The following STXBP6 variants were observed in gnomAD, a reference collection of about 807,000 sequenced individuals.
The protein encoded by STXBP6 is syntaxin-binding protein 6.
STXBP6 carries 21 observed loss-of-function variants against 26.9 expected under a neutral mutation model. The observed-to-expected ratio is 0.78, with a 90% CI of 0.55 to 1.12. STXBP6 has a LOEUF of 1.12. Ranked by LOEUF, STXBP6 falls within the 50% of genes most tolerant of loss-of-function variation. The probability of loss-of-function intolerance (pLI) is 0.00; values close to 1 mark genes in which losing one functional copy is unlikely to be tolerated. For missense variants in STXBP6, 232 were observed against 257.9 expected (o/e 0.90, Z 0.69); for synonymous variants, 97 against 92.6 (o/e 1.05, Z -0.27).
intron 4 of STXBP6, among the ~76,000 whole-genome samples, chr14:24,853,673 A>G (rs541210015): frequency 6.6e-6 from 1 of 152,252 alleles, no homozygotes; most frequent in Non-Finnish European, 1.5e-5. Flanking sequence ...CTACAGTTAC[A>G]CAGGGCAAAG....
In STXBP6 at chr14:24,860,884, T is replaced by G. The variant is rs565891735; in HGVS notation, c.155-3727A>C. Among the ~76,000 whole-genome samples, 6 of 146,672 alleles carry G rather than the reference T, an allele frequency of 4.1e-5. No individual in the cohort carries two copies. The South Asian group carries it at 1.3e-3, about 31-fold the overall frequency. ...AAATAAAATAAATATCCTTAAAATA[T>G]GATTTTAAAGGAAACAATCAGTATA... On this transcript the variant is annotated intron_variant, in intron 2 of 5. Transcript: ENST00000323944.
chr14:24,850,610 T>A (rs1035373300), intron 4 of STXBP6, among the ~76,000 whole-genome samples: 14 of 152,146 alleles, frequency 9.2e-5, no homozygotes, highest in Non-Finnish European at 4.4e-5. Flanking sequence ...CTGCTAACCA[T>A]CCTTTAACCT....
intron 2 of STXBP6, among the ~76,000 whole-genome samples, chr14:24,867,349 G>T (rs1287527739): frequency 6.6e-6 from 1 of 152,148 alleles, no homozygotes; most frequent in Non-Finnish European, 1.5e-5. Context: ...GAGAAAAAAA[G>T]TCGGTGGTTG....
At chr14:24,967,915 A>G (rs2073784214) in intron 2 of STXBP6, among the ~76,000 whole-genome samples, 1 of 152,034 alleles carries the variant, frequency 6.6e-6, no homozygotes, top group Admixed American at 6.6e-5. Context: ...GCAGTTGCAC[A>G]TGGCCATGGG....
At chr14:24,983,878 T>C (rs2074261395) in intron 1 of STXBP6, among the ~76,000 whole-genome samples, 1 of 152,190 alleles carries the variant, frequency 6.6e-6, no homozygotes, top group South Asian at 2.1e-4. Flanking sequence ...TATAAAAACC[T>C]AAAATACAGT....
At chr14:24,979,492 TAGAAATAAG>T (rs755555600) in intron 1 of STXBP6, among the ~76,000 whole-genome samples, 45 of 152,204 alleles carry the variant, frequency 3.0e-4, no homozygotes, top group Non-Finnish European at 6.2e-4. Context: ...CCAAATAAGT[TAGAAATAAG>T]AGAAATAAGA....
rs1594886480 is a variant in STXBP6, at chr14:24,810,940, G to A, written c.*1769C>T. ...GATCTGCAAACAAAATCTATTTGGAGTGATATTTGGGGCTTTTCCTAGAAA... is the reference window on the plus strand; with the variant it reads ...GATCTGCAAACAAAATCTATTTGGAATGATATTTGGGGCTTTTCCTAGAAA... On this transcript the variant is annotated 3_prime_UTR_variant, in exon 6 of 6. Coordinates refer to ENST00000323944, the MANE Select transcript of STXBP6 (RefSeq NM_001394410.1). The A allele has an allele frequency of 6.8e-6, 1 of 147,806 alleles. No homozygotes were observed. Among genetic ancestry groups the A allele is most frequent in the South Asian group, 2.2e-4 (1 of 4,586 alleles). 9.2% of individuals were successfully genotyped at this position (147,806 alleles called of 1,614,324 possible). A position where few individuals can be genotyped will look rare whatever the true frequency, so the allele number is the denominator to read the frequency against.
chr14:24,906,941 C>T (rs1407092674), intron 2 of STXBP6, among the ~76,000 whole-genome samples: 1 of 151,708 alleles, frequency 6.6e-6, no homozygotes, highest in African/African-American at 2.4e-5. Context: ...TACTATCATT[C>T]GTATGTGGGA....
In STXBP6 at chr14:24,875,505, G is replaced by A. The variant is rs562038396; in HGVS notation, c.155-18348C>T. Among the ~76,000 whole-genome samples the A allele has an allele frequency of 1.8e-4, 28 of 152,322 alleles. No homozygotes were observed. In the South Asian group the frequency reaches 5.2e-3, roughly 28 times the overall value. On this transcript the variant is annotated intron_variant, in intron 2 of 5. Coordinates refer to ENST00000323944, the MANE Select transcript of STXBP6 (RefSeq NM_001394410.1). ...GAGATTCTTAAAAAGATTGTTGGAT[G>A]AACTGTTGGGGTGGGGTAGCAAGGG...
chr14:24,934,875 CAA>C (rs2072541914), intron 2 of STXBP6, among the ~76,000 whole-genome samples: 1 of 151,762 alleles, frequency 6.6e-6, no homozygotes, highest in Admixed American at 6.6e-5. Flanking sequence ...TAGAGAACAC[CAA>C]AAGACACATT....
intron 2 of STXBP6, among the ~76,000 whole-genome samples, chr14:24,858,871 T>C (rs1404165191): frequency 1.5e-4 from 23 of 152,174 alleles, no homozygotes; most frequent in Admixed American, 1.5e-3. Context: ...CATGGGTTCC[T>C]GTATTAGACA....
intron 1 of STXBP6, among the ~76,000 whole-genome samples, chr14:24,987,226 C>T (rs1157566279): frequency 6.6e-6 from 1 of 152,080 alleles, no homozygotes; most frequent in Non-Finnish European, 1.5e-5. Context: ...ACAGGAGTCA[C>T]TTCTCCCCTG....
At chr14:24,985,271 G>A (rs998011110) in intron 1 of STXBP6, among the ~76,000 whole-genome samples, 3 of 152,154 alleles carry the variant, frequency 2.0e-5, no homozygotes, top group African/African-American at 7.2e-5. Context: ...CTCCATAAAG[G>A]GGACAATGCC....
chr14:24,984,005 G>A (rs2074265421), intron 1 of STXBP6, among the ~76,000 whole-genome samples: 1 of 152,174 alleles, frequency 6.6e-6, no homozygotes, highest in South Asian at 2.1e-4. Context: ...AGGCCAAGGT[G>A]GGTGGATCAC....
intron 2 of STXBP6, among the ~76,000 whole-genome samples, chr14:24,877,459 CA>C (rs1392549249): frequency 1.3e-5 from 2 of 152,100 alleles, no homozygotes; most frequent in African/African-American, 4.8e-5. Flanking sequence ...TAACAATAAA[CA>C]GTCTCATTTC....
intron 2 of STXBP6, among the ~76,000 whole-genome samples, chr14:24,870,459 T>C (rs1014454597): frequency 6.6e-6 from 1 of 152,196 alleles, no homozygotes; most frequent in African/African-American, 2.4e-5. Flanking sequence ...ATCAAGGTAA[T>C]ACAGAGTTAT....
intron 1 of STXBP6, among the ~76,000 whole-genome samples, chr14:25,018,606 T>C (rs1055677122): frequency 3.9e-5 from 6 of 152,164 alleles, no homozygotes; most frequent in Non-Finnish European, 8.8e-5. Flanking sequence ...GTCATGAATG[T>C]TGGCATAGCA....
At chr14:24,897,184 G>A (rs977726523) in intron 2 of STXBP6, among the ~76,000 whole-genome samples, 4 of 152,028 alleles carry the variant, frequency 2.6e-5, no homozygotes, top group African/African-American at 9.7e-5. Flanking sequence ...GCTGAGGCAG[G>A]CAGATCACGA....
chr14:24,972,130 G>A (rs1221584244), intron 2 of STXBP6, among the ~76,000 whole-genome samples: 1 of 152,126 alleles, frequency 6.6e-6, no homozygotes, highest in Non-Finnish European at 1.5e-5. Context: ...TACACTGTCT[G>A]CTTAAATGTC....
Sources: gnomAD v4.1 joint callset for allele counts (sites outside exome capture counted in the v4.1 genomes callset) on GRCh38, gnomAD v4.1.1 for gene constraint, MANE v1.5 for transcripts, NCBI Gene and HGNC (gene_info 2026-07-23, HGNC 2026-07-21) for gene names.